Variants in C8orf34 observed in about 807,000 individuals in gnomAD.
The protein encoded by C8orf34 is uncharacterized protein C8orf34.
A neutral mutation model predicts 68.3 loss-of-function variants in C8orf34; 65 were observed. The observed-to-expected ratio is 0.95, with a 90% CI of 0.78 to 1.17. The LOEUF is 1.17. Among genes scored for constraint, C8orf34 ranks in the 50% most tolerant of loss-of-function variants. The pLI is 0.00. For synonymous variants in C8orf34, 244 were observed against 241.2 expected, an observed-to-expected ratio of 1.01 and a Z score of -0.11; for missense variants, 664 against 655.4, an observed-to-expected ratio of 1.01 and a Z score of -0.14.
intron 8 of C8orf34, among the ~76,000 whole-genome samples, chr8:68,668,368 A>C (rs1431039750): frequency 3.9e-5 from 6 of 152,170 alleles, no homozygotes; most frequent in Non-Finnish European, 7.3e-5. Flanking sequence ...ATTCCATGGA[A>C]GAAAAAATAT....
intron 3 of C8orf34, among the ~76,000 whole-genome samples, chr8:68,465,426 T>G (rs939485843): frequency 6.6e-6 from 1 of 150,710 alleles, no homozygotes; most frequent in Non-Finnish European, 1.5e-5. Context: ...AGAAATACCA[T>G]TTGACCCAGC....
Position 68,625,111 on chromosome 8 carries a change from A to G in C8orf34, c.1106-15265A>G, listed in dbSNP as rs547309598. ...AAAATAGTCAAGGAGATCTCTTAGA[A>G]GGTGAACTTTGAGCAGACATGAATG... On this transcript the variant is annotated intron_variant, in intron 7 of 13. Coordinates refer to ENST00000518698, the MANE Select transcript of C8orf34 (RefSeq NM_052958.4). 1.1e-4 allele frequency among the ~76,000 whole-genome samples: 17 copies of G among 152,264 alleles called. No individual in the cohort carries two copies. The South Asian group carries it at 3.5e-3, about 32-fold the overall frequency.
At chr8:68,462,210 G>C (rs920138196) in intron 3 of C8orf34, among the ~76,000 whole-genome samples, 44 of 152,154 alleles carry the variant, frequency 2.9e-4, no homozygotes, top group Non-Finnish European at 4.7e-4. Flanking sequence ...TTACATAATG[G>C]TAAAGGGATC....
At chr8:68,507,076 T>C (rs923481686) in intron 5 of C8orf34, among the ~76,000 whole-genome samples, 1 of 152,202 alleles carries the variant, frequency 6.6e-6, no homozygotes, top group Admixed American at 6.5e-5. Context: ...CCTTTCTGAG[T>C]CATCCTACCT....
At chr8:68,764,464 A>G (rs1322124928) in intron 10 of C8orf34, among the ~76,000 whole-genome samples, 1 of 152,154 alleles carries the variant, frequency 6.6e-6, no homozygotes, top group African/African-American at 2.4e-5. Flanking sequence ...CAGGTTTTCT[A>G]ATAGTGGGGA....
chr8:68,533,467 A>G, intron 7 of C8orf34: 1 of 1,029,358 alleles, frequency 9.7e-7, no homozygotes, highest in Non-Finnish European at 1.2e-6. Context: ...TTCTCTGATA[A>G]TAATTGCCTT....
intron 1 of C8orf34, among the ~76,000 whole-genome samples, chr8:68,378,130 C>T (rs1267150699): frequency 1.3e-5 from 2 of 152,064 alleles, no homozygotes; most frequent in South Asian, 4.1e-4. Flanking sequence ...AGAGACCTGA[C>T]AAAACTCACT....
chr8:68,591,772 C>T (rs1324078973), intron 7 of C8orf34, among the ~76,000 whole-genome samples: 3 of 152,134 alleles, frequency 2.0e-5, no homozygotes, highest in African/African-American at 7.2e-5. Flanking sequence ...TTTTAAAATA[C>T]ATGCTATATT....
intron 8 of C8orf34, among the ~76,000 whole-genome samples, chr8:68,668,606 G>C (rs971221882): frequency 1.3e-5 from 2 of 152,182 alleles, no homozygotes; most frequent in African/African-American, 2.4e-5. Context: ...TGACCTGGTA[G>C]GCAGAATTTC....
chr8:68,582,255 A>AG (rs1364271994), intron 7 of C8orf34, among the ~76,000 whole-genome samples: 12 of 152,188 alleles, frequency 7.9e-5, no homozygotes, highest in Admixed American at 5.2e-4. Flanking sequence ...GACCTAATGC[A>AG]ACAGACTGAA....
intron 5 of C8orf34, among the ~76,000 whole-genome samples, chr8:68,516,647 T>TTTATTTATTTATTTATTTA (rs973721137): frequency 4.6e-5 from 7 of 151,830 alleles, no homozygotes; most frequent in African/African-American, 1.7e-4. Context: ...TATTTATTTA[T>TTTATTTATTTATTTATTTA]TTTTTATTTA....
chr8:68,417,774 C>T (rs928525656), intron 1 of C8orf34, among the ~76,000 whole-genome samples: 12 of 152,110 alleles, frequency 7.9e-5, no homozygotes, highest in African/African-American at 2.7e-4. Flanking sequence ...CTTGGCGATG[C>T]GGGCTCTTTT....
intron 5 of C8orf34, among the ~76,000 whole-genome samples, chr8:68,504,631 T>C (rs1205349266): frequency 1.3e-5 from 2 of 152,088 alleles, no homozygotes; most frequent in African/African-American, 4.8e-5. Context: ...GCGATTCTCC[T>C]GCCTCAGCCT....
intron 6 of C8orf34, among the ~76,000 whole-genome samples, chr8:68,527,303 C>T (rs1018218312): frequency 1.3e-5 from 2 of 152,152 alleles, no homozygotes; most frequent in African/African-American, 2.4e-5. Context: ...AGAGGCCCGG[C>T]GCAGTGGCTC....
At chr8:68,778,781 C>T (rs766518370) in intron 11 of C8orf34, among the ~76,000 whole-genome samples, 7 of 152,106 alleles carry the variant, frequency 4.6e-5, no homozygotes, top group African/African-American at 7.2e-5. Context: ...ATTATATTAA[C>T]GTTCATTTAG....
At chr8:68,703,756 A>G (rs1031577775) in intron 8 of C8orf34, among the ~76,000 whole-genome samples, 1 of 151,986 alleles carries the variant, frequency 6.6e-6, no homozygotes, top group Non-Finnish European at 1.5e-5. Flanking sequence ...GGTTGGCTCA[A>G]TGACTCATGC....
chr8:68,412,682 T>A (rs1219693633), intron 1 of C8orf34, among the ~76,000 whole-genome samples: 1 of 152,178 alleles, frequency 6.6e-6, no homozygotes, highest in Non-Finnish European at 1.5e-5. Flanking sequence ...GATTTTTACC[T>A]TATTTCCTGT....
chr8:68,331,441 C>T, intron 1 of C8orf34, 102 bp downstream of exon 1: 2 of 1,300,774 alleles, frequency 1.5e-6, no homozygotes, highest in Non-Finnish European at 2.1e-6. Flanking sequence ...GGAAGGAGGG[C>T]TAGAGAACCA....
intron 7 of C8orf34, among the ~76,000 whole-genome samples, chr8:68,626,233 A>G (rs1377938413): frequency 6.6e-6 from 1 of 152,198 alleles, no homozygotes; most frequent in Non-Finnish European, 1.5e-5. Flanking sequence ...TTAAGCAAAT[A>G]CAAAGACAGA....
Sources: gnomAD v4.1 joint callset for allele counts (sites outside exome capture counted in the v4.1 genomes callset) on GRCh38, gnomAD v4.1.1 for gene constraint, MANE v1.5 for transcripts, NCBI Gene and HGNC (gene_info 2026-07-23, HGNC 2026-07-21) for gene names.